The following SFXN1 variants were observed in gnomAD, a reference collection of about 807,000 sequenced individuals.
SFXN1 encodes sideroflexin-1.
SFXN1 carries 32 observed loss-of-function variants against 39.5 expected under a neutral mutation model. The observed-to-expected ratio is 0.81, with a 90% confidence interval of 0.61 to 1.09. The LOEUF (loss-of-function observed/expected upper bound fraction) is 1.09, where lower values mean the gene tolerates loss of function less well. Ranked by LOEUF, SFXN1 falls within the 50% of genes least tolerant of loss-of-function variation. The probability of loss-of-function intolerance (pLI) is 0.00; values close to 1 mark genes in which losing one functional copy is unlikely to be tolerated. For missense variants in SFXN1, 402 were observed against 407.1 expected (o/e 0.99, Z 0.11); for synonymous variants, 136 against 146.5 (o/e 0.93, Z 0.52).
chr5:175,484,674 C>A (rs950789234), intron 1 of SFXN1, among the ~76,000 whole-genome samples: 3 of 152,376 alleles, frequency 2.0e-5, no homozygotes, highest in African/African-American at 7.2e-5. Flanking sequence ...TCGGCGCATC[C>A]TCCTCAGCCC....
At chr5:175,504,947 CTTGATCT>C (rs1760231561) in intron 2 of SFXN1, among the ~76,000 whole-genome samples, 1 of 152,088 alleles carries the variant, frequency 6.6e-6, no homozygotes, top group South Asian at 2.1e-4. Flanking sequence ...CCAGAATGGT[CTTGATCT>C]CCTGACTTCA....
In SFXN1 at chr5:175,522,425, A is replaced by T; in HGVS notation, c.872+3A>T. 6.2e-7 allele frequency: 1 copy of T among 1,611,778 alleles called. No homozygotes were observed. Among genetic ancestry groups the T allele is most frequent in the Non-Finnish European group, 8.5e-7 (1 of 1,179,522 alleles). On this transcript the variant is annotated splice_donor_region_variant and intron_variant, in intron 10 of 10. Coordinates refer to ENST00000321442, the MANE Select transcript of SFXN1 (RefSeq NM_022754.7). ...TGTGCCCTGTTTCCTCAGAAAAGGTATGTATTTGTTATTCGTCAGAATCAT... is the reference window on the plus strand; with the variant it reads ...TGTGCCCTGTTTCCTCAGAAAAGGTTTGTATTTGTTATTCGTCAGAATCAT...
At chr5:175,493,382 C>T (rs189790796) in intron 2 of SFXN1, among the ~76,000 whole-genome samples, 29 of 152,322 alleles carry the variant, frequency 1.9e-4, no homozygotes, top group Non-Finnish European at 4.1e-4. Flanking sequence ...TTGCTAGAAG[C>T]TTTGTGCCTA....
intron 8 of SFXN1, among the ~76,000 whole-genome samples, chr5:175,517,647 G>A (rs376959914): frequency 1.1e-4 from 16 of 152,196 alleles, no homozygotes; most frequent in African/African-American, 3.9e-4. Flanking sequence ...TTTCACCCAT[G>A]TAGAGAGGAC....
chr5:175,505,740 T>C (rs947447312), intron 2 of SFXN1, among the ~76,000 whole-genome samples: 2 of 151,810 alleles, frequency 1.3e-5, no homozygotes, highest in African/African-American at 4.8e-5. Context: ...CAATAGAAAG[T>C]CTAGAAATCA....
At chr5:175,502,516 A>G (rs1760121788) in intron 2 of SFXN1, among the ~76,000 whole-genome samples, 1 of 152,244 alleles carries the variant, frequency 6.6e-6, no homozygotes, top group South Asian at 2.1e-4. Context: ...TTGCAAAAGC[A>G]GTTTCAGAAT....
intron 2 of SFXN1, among the ~76,000 whole-genome samples, chr5:175,497,748 G>A (rs1190709983): frequency 6.6e-6 from 1 of 152,010 alleles, no homozygotes; most frequent in Admixed American, 6.6e-5. Flanking sequence ...GGCCAACATG[G>A]TGAAATCCTG....
chr5:175,529,728 CAG>C lies in SFXN1; in HGVS notation c.*2996_*2997del, dbSNP rs1482553038. On this transcript the variant is annotated 3_prime_UTR_variant, in exon 11 of 11. Coordinates refer to ENST00000321442, the MANE Select transcript of SFXN1 (RefSeq NM_022754.7). ...AACTGGATGAAATGTTAAATAAACT[CAG>C]AATGAAAATAAATTCTCTCTTTTAT... 1 of 152,136 alleles carries C rather than the reference CAG, an allele frequency of 6.6e-6. No homozygotes were observed. Among genetic ancestry groups the C allele is most frequent in the African/African-American group, 2.4e-5 (1 of 41,406 alleles). The allele number at this position is 152,136 out of a possible 1,614,324, so 9.4% of individuals were successfully genotyped here.
intron 2 of SFXN1, among the ~76,000 whole-genome samples, chr5:175,501,922 C>T (rs1016973550): frequency 6.6e-6 from 1 of 152,044 alleles, no homozygotes; most frequent in Non-Finnish European, 1.5e-5. Context: ...TGAGGGAGAC[C>T]GGAGTTTTAT....
In SFXN1 at chr5:175,526,765, G is replaced by A. The variant is rs746095107; in HGVS notation, c.*31G>A. On this transcript the variant is annotated 3_prime_UTR_variant, in exon 11 of 11. Coordinates refer to ENST00000321442, the MANE Select transcript of SFXN1 (RefSeq NM_022754.7). ...GGAGGAAACCTCTGCAGCTCATTCT[G>A]CCACTGCAAAGCTGGTGTAGCCATG... 1 of 1,560,378 alleles carries A rather than the reference G, an allele frequency of 6.4e-7. No individual in the cohort carries two copies. The highest frequency in any genetic ancestry group is 8.8e-7 in the Non-Finnish European group (1 of 1,131,700).
At chr5:175,524,888 A>G (rs531050986) in intron 10 of SFXN1, among the ~76,000 whole-genome samples, 1 of 152,344 alleles carries the variant, frequency 6.6e-6, no homozygotes, top group East Asian at 1.9e-4. Context: ...ATACCAACAG[A>G]TTTGAAAACA....
chr5:175,526,706 G>A lies in SFXN1; in HGVS notation c.941G>A (p.Arg314Gln), dbSNP rs199976947. The A allele has an allele frequency of 5.2e-5, 84 of 1,614,076 alleles. No homozygotes were observed. Among genetic ancestry groups the A allele is most frequent in the Non-Finnish European group, 3.7e-5 (44 of 1,180,022 alleles). The change falls in exon 11 of 11, where the codon CGA becomes CAA. Residue 314 changes from arginine to glutamine, a missense_variant. Transcript: ENST00000321442. ...ATCCAAGAGAGCCATCCTGAATTGCGACGCGTGTACTTCAATAAGGGATTG... is the reference window on the plus strand; with the variant it reads ...ATCCAAGAGAGCCATCCTGAATTGCAACGCGTGTACTTCAATAAGGGATTG... ...AKIQESHPEL[R>Q]RVYFNKGL
chr5:175,526,210 A>C (rs1416935247), intron 10 of SFXN1, among the ~76,000 whole-genome samples: 1 of 151,718 alleles, frequency 6.6e-6, no homozygotes, highest in African/African-American at 2.4e-5. Context: ...AAGCACATTA[A>C]TGTAGGCAGA....
chr5:175,492,050 G>C, intron 1 of SFXN1, 45 bp from the exon 2 acceptor site: 1 of 1,465,352 alleles, frequency 6.8e-7, no homozygotes. Context: ...AATACGTAGT[G>C]ACATTGTAAG....
intron 10 of SFXN1, chr5:175,526,105 C>T (rs919278838): frequency 2.7e-5 from 4 of 149,152 alleles, no homozygotes; most frequent in Admixed American, 6.6e-5. Flanking sequence ...TATCTCTCAG[C>T]GGGATTATAA....
At chr5:175,484,360 A>G (rs1306725721) in intron 1 of SFXN1, among the ~76,000 whole-genome samples, 1 of 152,106 alleles carries the variant, frequency 6.6e-6, no homozygotes, top group East Asian at 1.9e-4. Context: ...CCCCCACCCC[A>G]TGACCTCGTT....
intron 1 of SFXN1, among the ~76,000 whole-genome samples, chr5:175,479,556 CT>C (rs1759152073): frequency 6.6e-6 from 1 of 152,128 alleles, no homozygotes; most frequent in Non-Finnish European, 1.5e-5. Context: ...TCTTTAGTGT[CT>C]TTTGTCACTA....
chr5:175,492,143 C>T lies in SFXN1; in HGVS notation c.40C>T (p.Pro14Ser), dbSNP rs768846598. 12 of 1,613,924 alleles carry T rather than the reference C, an allele frequency of 7.4e-6. No individual in the cohort carries two copies. The Middle Eastern group carries it at 1.5e-3, about 200-fold the overall frequency. The change falls in exon 2 of 11, where the codon CCT becomes TCT. Residue 14 changes from proline (P) to serine (S), a missense_variant. Pro to Ser is a moderately conservative substitution (Grantham distance 74). Coordinates refer to ENST00000321442, the MANE Select transcript of SFXN1 (RefSeq NM_022754.7). ...ACCACCAAACATTAACATCAAGGAACCTCGATGGGATCAAAGCACTTTCAT... is the reference window on the plus strand; with the variant it reads ...ACCACCAAACATTAACATCAAGGAATCTCGATGGGATCAAAGCACTTTCAT... ...ELPPNINIKE[P>S]RWDQSTFIGR... is the part of the protein sequence containing the mutation.
At chr5:175,507,780 G>C (rs1056187289) in intron 2 of SFXN1, among the ~76,000 whole-genome samples, 3 of 152,060 alleles carry the variant, frequency 2.0e-5, no homozygotes, top group African/African-American at 7.2e-5. Context: ...GAACCAGCCT[G>C]GGCAACATGG....
Sources: allele counts gnomAD v4.1 joint callset (sites outside exome capture counted in the v4.1 genomes callset), GRCh38; gene constraint gnomAD v4.1.1; transcripts MANE v1.5; gene names NCBI Gene and HGNC (gene_info 2026-07-23, HGNC 2026-07-21).